Variants in ATOH8 observed in about 807,000 individuals in gnomAD.
ATOH8 encodes atonal bHLH transcription factor 8, also known as transcription factor ATOH8.
In ATOH8, 9 loss-of-function variants were observed where a neutral mutation model predicts 21.2. That is an observed-to-expected ratio of 0.42 (90% CI 0.26 to 0.74). The LOEUF (loss-of-function observed/expected upper bound fraction) is 0.74. Among genes scored for constraint, ATOH8 ranks in the 30% least tolerant of loss-of-function variants. The probability of loss-of-function intolerance (pLI) is 0.24; values close to 1 mark genes in which losing one functional copy is unlikely to be tolerated. For synonymous variants in ATOH8, 253 were observed against 224.0 expected (o/e 1.13, Z -1.16); for missense variants, 524 against 470.9 (o/e 1.11, Z -1.04).
intron 2 of ATOH8, among the ~76,000 whole-genome samples, chr2:85,776,212 C>T (rs1010308068): frequency 1.3e-4 from 20 of 152,108 alleles, no homozygotes; most frequent in Admixed American, 7.2e-4. Context: ...TCCAGGCCAC[C>T]GCTGTCCTCT....
rs60333657 is a variant in ATOH8 at position 85,754,405 on chromosome 2, A to C, written c.216A>C (p.Val72=). The change falls in exon 1 of 3, where the codon GTA becomes GTC. Residue 72 remains valine, a synonymous_variant. Transcript: ENST00000306279. ...CCCATCGGCTGCAGCCGGTCCCGGT[A>C]CCGGTGCCGGTGCCAGTCCCAGTGG... The part of the protein sequence containing the change: ...DRTHRLQPVP[V]PVPVPVPVAP... The C allele has an allele frequency of 1.7e-3, 2,732 of 1,570,510 alleles. 8 individuals carry two copies. The highest frequency in any genetic ancestry group is 0.014 in the African/African-American group (957 of 70,146).
intron 1 of ATOH8, among the ~76,000 whole-genome samples, chr2:85,763,577 C>T (rs1383859167): frequency 2.0e-5 from 3 of 152,070 alleles, no homozygotes; most frequent in East Asian, 3.9e-4. Context: ...TGTTGCACTC[C>T]CCAAGTGCCC....
At chr2:85,755,167 C>T (rs903488414) in intron 1 of ATOH8, among the ~76,000 whole-genome samples, 3 of 152,230 alleles carry the variant, frequency 2.0e-5, no homozygotes, top group African/African-American at 7.2e-5. Context: ...GGCCCGAGCA[C>T]CCCCCGCCCT....
chr2:85,767,693 T>C (rs1221834139), intron 2 of ATOH8, among the ~76,000 whole-genome samples: 1 of 151,460 alleles, frequency 6.6e-6, no homozygotes, highest in African/African-American at 2.4e-5. Context: ...ACTGAACACT[T>C]CTTGGTCTAG....
intron 2 of ATOH8, among the ~76,000 whole-genome samples, chr2:85,771,631 GCC>G (rs1642094740): frequency 6.6e-6 from 1 of 152,156 alleles, no homozygotes; most frequent in African/African-American, 2.4e-5. Flanking sequence ...GCAGCCTGCA[GCC>G]CATCCAGAAA....
chr2:85,754,277 G>C lies in ATOH8; in HGVS notation c.88G>C (p.Gly30Arg). The change falls in exon 1 of 3, where the codon GGC (glycine) becomes CGC (arginine). Residue 30 changes from glycine (G) to arginine (R), a missense_variant. By Grantham distance (125) the Gly-to-Arg change is moderately radical. Transcript: ENST00000306279. ...CGGCCTTAAGAAGCTCAAGCGGAAA[G>C]GCAAGGAGCCGGCGCGGCGCGCGAA... Reference protein sequence around the residue: ...LNGLKKLKRKGKEPARRANGY... With the variant: ...LNGLKKLKRKRKEPARRANGY... 5 of 1,610,092 alleles carry C rather than the reference G, an allele frequency of 3.1e-6. No homozygotes were observed. The East Asian group carries it at 1.1e-4, about 36-fold the overall frequency.
chr2:85,755,506 C>G (rs1440436246), intron 1 of ATOH8, among the ~76,000 whole-genome samples: 1 of 152,224 alleles, frequency 6.6e-6, no homozygotes, highest in African/African-American at 2.4e-5. Context: ...CCTGTGCCCT[C>G]TCCCCAGGGG....
Position 85,754,702 on chromosome 2 carries a change from G to A in ATOH8, c.513G>A (p.Pro171=), listed in dbSNP as rs775218793. 1 of 1,607,992 alleles carries A rather than the reference G, an allele frequency of 6.2e-7. No homozygotes were observed. ...ARPAPSAPPA[P]PAPPESTVRP... is the part of the protein sequence containing the mutation. Reference sequence around the variant, plus strand: ...CCGCGCCGTCAGCACCCCCAGCACCGCCAGCGCCCCCGGAGTCCACTGTGC... The same window carrying A: ...CCGCGCCGTCAGCACCCCCAGCACCACCAGCGCCCCCGGAGTCCACTGTGC... Residue 171 remains proline, a synonymous_variant, in exon 1 of 3, where the codon CCG becomes CCA. Transcript: ENST00000306279.
At chr2:85,774,809 T>G in intron 2 of ATOH8, 1 of 980,046 alleles carries the variant, frequency 1.0e-6, no homozygotes, top group Non-Finnish European at 1.2e-6. Flanking sequence ...ACAGAACTCC[T>G]TGCTCAAAGG....
chr2:85,763,865 A>T, intron 1 of ATOH8, 126 bp from the exon 2 acceptor site: 5 of 548,382 alleles, frequency 9.1e-6, no homozygotes, highest in East Asian at 3.4e-5. Flanking sequence ...TGTAAACAGC[A>T]GGTGCGTAGA....
At chr2:85,776,619 C>T (rs1680329156) in intron 2 of ATOH8, among the ~76,000 whole-genome samples, 1 of 152,180 alleles carries the variant, frequency 6.6e-6, no homozygotes, top group Non-Finnish European at 1.5e-5. Flanking sequence ...CGGTGGAGGG[C>T]CTCCTGCATG....
intron 1 of ATOH8, among the ~76,000 whole-genome samples, chr2:85,755,172 C>A (rs950685967): frequency 6.6e-6 from 1 of 152,254 alleles, no homozygotes; most frequent in Non-Finnish European, 1.5e-5. Flanking sequence ...GAGCACCCCC[C>A]GCCCTCAACC....
intron 1 of ATOH8, among the ~76,000 whole-genome samples, chr2:85,759,849 A>G (rs1679812695): frequency 6.6e-6 from 1 of 152,036 alleles, no homozygotes; most frequent in African/African-American, 2.4e-5. Flanking sequence ...GAGTTGGCAC[A>G]GAAGCAGGAG....
intron 2 of ATOH8, among the ~76,000 whole-genome samples, chr2:85,771,099 G>T (rs1680168846): frequency 6.6e-6 from 1 of 152,184 alleles, no homozygotes; most frequent in African/African-American, 2.4e-5. Flanking sequence ...TAGGGTGGGG[G>T]CTAACCCCAG....
rs544520240 is a variant in ATOH8, at chr2:85,755,054, G to A, written c.768+97G>A. ...GGCGGGATAGAGGTGTGTTTAAGGG[G>A]CAAGCTGCCCCGCCCGGTCCGACCC... On this transcript the variant is annotated intron_variant, in intron 1 of 2. Coordinates refer to ENST00000306279, the MANE Select transcript of ATOH8 (RefSeq NM_032827.7). 93 of 1,432,816 alleles carry A rather than the reference G, an allele frequency of 6.5e-5. No homozygotes were observed. In the African/African-American group the frequency reaches 1.2e-3, roughly 18 times the overall value. The allele number at this position is 1,432,816 out of a possible 1,614,324, so 88.8% of individuals were successfully genotyped here.
chr2:85,778,835 T>C (rs1680406338), intron 2 of ATOH8, among the ~76,000 whole-genome samples: 1 of 152,178 alleles, frequency 6.6e-6, no homozygotes, highest in Non-Finnish European at 1.5e-5. Context: ...ACATGTCGTG[T>C]GGGGGTGTCT....
rs756549613 is a variant in ATOH8 at position 85,754,799 on chromosome 2, C to G, written c.610C>G (p.Gln204Glu). ...TTCACACGTAATTTACAATAACCACCAGGATTCCTCCGCGTCGCCTAGGAA... is the reference window on the plus strand; with the variant it reads ...TTCACACGTAATTTACAATAACCACGAGGATTCCTCCGCGTCGCCTAGGAA... ...SISHVIYNNH[Q>E]DSSASPRKRP... The change falls in exon 1 of 3, where the codon CAG becomes GAG. Residue 204 changes from glutamine (Q) to glutamate (E), a missense_variant. By Grantham distance (29) the Gln-to-Glu change is conservative (BLOSUM62 2). Transcript: ENST00000306279. The G allele has an allele frequency of 1.2e-6, 2 of 1,612,950 alleles. No homozygotes were observed. The highest frequency in any genetic ancestry group is 3.3e-5 in the Admixed American group (2 of 60,028).
At chr2:85,784,246 G>A (rs575255247) in intron 2 of ATOH8, among the ~76,000 whole-genome samples, 3 of 152,232 alleles carry the variant, frequency 2.0e-5, no homozygotes, top group East Asian at 1.9e-4. Context: ...GCAATTACAC[G>A]GTCAAATCAG....
Position 85,754,108 on chromosome 2 carries a change from G to T in ATOH8, c.-82G>T. ...GAGGGAGGGGGAGGGCGGGCGAAGC[G>T]GGAGAGCCAGAGACTCCTCGGCGCT... On this transcript the variant is annotated 5_prime_UTR_variant, in exon 1 of 3. Coordinates refer to ENST00000306279, the MANE Select transcript of ATOH8 (RefSeq NM_032827.7). 1.5e-6 allele frequency: 2 copies of T among 1,366,864 alleles called. No homozygotes were observed. Among genetic ancestry groups the T allele is most frequent in the South Asian group, 3.4e-5 (2 of 59,328 alleles). 84.7% of individuals were successfully genotyped at this position (1,366,864 alleles called of 1,614,324 possible).
Sources: gnomAD v4.1 joint callset for allele counts (sites outside exome capture counted in the v4.1 genomes callset) on GRCh38, gnomAD v4.1.1 for gene constraint, MANE v1.5 for transcripts, NCBI Gene and HGNC (gene_info 2026-07-23, HGNC 2026-07-21) for gene names.